NTN1: variants seen among roughly 807,000 people sequenced by gnomAD.
NTN1 encodes netrin 1.
NTN1 carries 11 observed loss-of-function variants against 54.2 expected under a neutral mutation model. The ratio of observed to expected loss-of-function variants is 0.20; its 90% CI spans 0.13 to 0.34. The LOEUF (loss-of-function observed/expected upper bound fraction) is 0.34. NTN1 is among the 10% of genes least tolerant of loss of function. The pLI, the probability that NTN1 is intolerant of heterozygous loss-of-function variation, is 1.00. For synonymous variants in NTN1, 371 were observed against 382.0 expected (o/e 0.97, Z 0.33); for missense variants, 740 against 893.1 (o/e 0.83, Z 2.18).
Position 9,022,729 on chromosome 17 carries a change from G to A in NTN1, c.356G>A (p.Cys119Tyr), listed in dbSNP as rs1353752805. 6.2e-7 allele frequency: 1 copy of A among 1,606,768 alleles called. No individual in the cohort carries two copies. The highest frequency in any genetic ancestry group is 1.7e-5 in the Admixed American group (1 of 59,438). ...TDLNNPHNLT[C>Y]WQSENYLQFP... The stretch of plus-strand genomic sequence containing the variant: ...CTCAACAACCCGCACAACCTGACGT[G>A]CTGGCAGTCCGAGAACTACCTGCAG... Residue 119 changes from cysteine to tyrosine, a missense_variant, in exon 2 of 7, where the codon TGC becomes TAC. By Grantham distance (194) the Cys-to-Tyr change is radical (BLOSUM62 -2). Coordinates refer to ENST00000173229, the MANE Select transcript of NTN1 (RefSeq NM_004822.3).
At chr17:9,121,431 C>T (rs765476630) in intron 2 of NTN1, among the ~76,000 whole-genome samples, 6 of 152,132 alleles carry the variant, frequency 3.9e-5, no homozygotes, top group Non-Finnish European at 7.3e-5. Context: ...TCCGTGCCTG[C>T]CCAATGCGTG....
intron 2 of NTN1, among the ~76,000 whole-genome samples, chr17:9,043,573 C>T (rs2091930048): frequency 7.0e-6 from 1 of 143,808 alleles, no homozygotes; most frequent in South Asian, 2.2e-4. Context: ...TCTCTAATCT[C>T]TCTCTTTTTT....
chr17:9,043,413 T>A (rs1379431277), intron 2 of NTN1, among the ~76,000 whole-genome samples: 1 of 152,208 alleles, frequency 6.6e-6, no homozygotes, highest in Non-Finnish European at 1.5e-5. Context: ...AGTTGAGTAG[T>A]TAAGAAATTT....
At chr17:9,150,214 T>TAATA (rs1039943462) in intron 2 of NTN1, among the ~76,000 whole-genome samples, 35 of 152,104 alleles carry the variant, frequency 2.3e-4, no homozygotes, top group Admixed American at 6.5e-4. Flanking sequence ...AAAAAATACA[T>TAATA]AATAAATAAA....
chr17:9,156,447 A>G (rs897272296), intron 2 of NTN1, among the ~76,000 whole-genome samples: 4 of 152,138 alleles, frequency 2.6e-5, no homozygotes, highest in Non-Finnish European at 5.9e-5. Context: ...GGCCATGTGA[A>G]GTCTGGGGGA....
intron 5 of NTN1, among the ~76,000 whole-genome samples, chr17:9,194,792 C>T (rs1904577959): frequency 6.6e-6 from 1 of 152,212 alleles, no homozygotes; most frequent in Non-Finnish European, 1.5e-5. Flanking sequence ...CCGTGGGACT[C>T]TTCTAGTGGG....
chr17:9,090,235 G>T (rs1461204332), intron 2 of NTN1, among the ~76,000 whole-genome samples: 1 of 151,336 alleles, frequency 6.6e-6, no homozygotes, highest in Non-Finnish European at 1.5e-5. Flanking sequence ...GAGTGCAGTG[G>T]CATGATCTCA....
intron 5 of NTN1, among the ~76,000 whole-genome samples, chr17:9,202,980 G>C (rs1305170423): frequency 6.6e-6 from 1 of 151,988 alleles, no homozygotes; most frequent in African/African-American, 2.4e-5. Flanking sequence ...AGAGTGCAGT[G>C]GCGCGATCTC....
At chr17:9,157,033 C>T (rs1328889281) in intron 2 of NTN1, among the ~76,000 whole-genome samples, 2 of 146,512 alleles carry the variant, frequency 1.4e-5, no homozygotes, top group African/African-American at 5.0e-5. Flanking sequence ...ATCCGTCCAT[C>T]CATCCACCTT....
intron 2 of NTN1, among the ~76,000 whole-genome samples, chr17:9,103,966 GTAGTCCCAGAGAC>G (rs2092158050): frequency 6.6e-6 from 1 of 151,562 alleles, no homozygotes. Flanking sequence ...GTGGATGCCT[GTAGTCCCAGAGAC>G]TCGGGAGGCT....
At chr17:9,121,301 C>T (rs183152407) in intron 2 of NTN1, among the ~76,000 whole-genome samples, 8 of 152,218 alleles carry the variant, frequency 5.3e-5, no homozygotes, top group East Asian at 1.9e-4. Context: ...TGAACCAGCA[C>T]GTCCCCGGCC....
chr17:9,095,216 CA>C (rs1205601648), intron 2 of NTN1, among the ~76,000 whole-genome samples: 1 of 152,116 alleles, frequency 6.6e-6, no homozygotes, highest in Non-Finnish European at 1.5e-5. Flanking sequence ...ATTTCAATTG[CA>C]AACAGTTTCC....
At chr17:9,216,956 C>T (rs1174266370) in intron 5 of NTN1, among the ~76,000 whole-genome samples, 1 of 151,746 alleles carries the variant, frequency 6.6e-6, no homozygotes, top group African/African-American at 2.4e-5. Flanking sequence ...GCAGGAGAAT[C>T]GCTTGAACCC....
chr17:9,027,976 T>C (rs1184387762), intron 2 of NTN1, among the ~76,000 whole-genome samples: 1 of 151,986 alleles, frequency 6.6e-6, no homozygotes, highest in African/African-American at 2.4e-5. Flanking sequence ...ATACAAAAAA[T>C]TAGCTGGGCA....
intron 2 of NTN1, among the ~76,000 whole-genome samples, chr17:9,051,420 G>A (rs1436662384): frequency 6.6e-6 from 1 of 152,200 alleles, no homozygotes; most frequent in African/African-American, 2.4e-5. Context: ...TGCTCCCAGA[G>A]CGGGGACTGT....
At chr17:9,188,918 C>T (rs1279598396) in intron 5 of NTN1, among the ~76,000 whole-genome samples, 2 of 152,176 alleles carry the variant, frequency 1.3e-5, no homozygotes, top group African/African-American at 4.8e-5. Flanking sequence ...TTGACCAAGG[C>T]ACTGGTTTCA....
intron 3 of NTN1, among the ~76,000 whole-genome samples, chr17:9,169,602 C>T (rs915860914): frequency 1.3e-4 from 20 of 152,318 alleles, no homozygotes; most frequent in African/African-American, 4.6e-4. Context: ...CGGTGGCTCA[C>T]GCCTGTAATC....
chr17:9,013,122 G>A, the NTN1 span, among the ~76,000 whole-genome samples: 1 of 151,978 alleles, frequency 6.6e-6, no homozygotes, highest in African/African-American at 2.4e-5. Context: ...GTGTCCTGTG[G>A]TAGCCAGGTC....
chr17:9,074,006 CG>C (rs1307040268), intron 2 of NTN1, among the ~76,000 whole-genome samples: 2 of 152,254 alleles, frequency 1.3e-5, no homozygotes, highest in African/African-American at 4.8e-5. Context: ...GCTGGTGTCC[CG>C]GTACCTTGAG....
Sources: gnomAD v4.1 joint callset for allele counts (sites outside exome capture counted in the v4.1 genomes callset) on GRCh38, gnomAD v4.1.1 for gene constraint, MANE v1.5 for transcripts, NCBI Gene and HGNC (gene_info 2026-07-23, HGNC 2026-07-21) for gene names.